ERBB4: variants seen among roughly 807,000 people sequenced by gnomAD.
ERBB4 encodes the protein receptor tyrosine-protein kinase erbB-4.
Under a neutral mutation model 158.0 loss-of-function variants are expected in ERBB4, and 42 were observed. That is an observed-to-expected ratio of 0.27 (90% CI 0.21 to 0.34). The LOEUF is 0.34. Ranked by LOEUF, ERBB4 falls within the 10% of genes least tolerant of loss-of-function variation. ERBB4 has a pLI of 1.00. For synonymous variants in ERBB4, 583 were observed against 558.7 expected, an observed-to-expected ratio of 1.04 and a Z score of -0.61; for missense variants, 1,333 against 1,624.1, an observed-to-expected ratio of 0.82 and a Z score of 3.08.
rs1454332286 is a variant in ERBB4 at position 211,772,951 on chromosome 2, A to ATTTT, written c.556+15073_556+15074insAAAA. On this transcript the variant is annotated intron_variant, in intron 4 of 27. Coordinates refer to ENST00000342788, the MANE Select transcript of ERBB4 (RefSeq NM_005235.3). ...TATATATATATATATATATATATAT[A>ATTTT]TATATTTTTTTTTTTAAAGATGGGG... Among the ~76,000 whole-genome samples, 24 of 71,828 alleles carry ATTTT rather than the reference A, an allele frequency of 3.3e-4. 3 individuals carry two copies. Among genetic ancestry groups the ATTTT allele is most frequent in the African/African-American group, 1.4e-3 (23 of 16,472 alleles). The allele number at this position is 71,828 out of a possible 152,430, so 47.1% of individuals were successfully genotyped here.
intron 13 of ERBB4, among the ~76,000 whole-genome samples, chr2:211,677,888 G>GTAAAAA (rs1161721703): frequency 1.7e-4 from 26 of 151,768 alleles, no homozygotes; most frequent in African/African-American, 5.8e-4. Context: ...AAAAATAAAA[G>GTAAAAA]TAAAAATAAA....
chr2:212,153,487 T>C (rs901065340), intron 1 of ERBB4, among the ~76,000 whole-genome samples: 3 of 152,206 alleles, frequency 2.0e-5, no homozygotes, highest in Non-Finnish European at 4.4e-5. Context: ...TAAATAATTG[T>C]GTCTAAGTAG....
intron 3 of ERBB4, among the ~76,000 whole-genome samples, chr2:211,888,994 G>C (rs1361094714): frequency 6.1e-5 from 9 of 147,988 alleles, no homozygotes; most frequent in Admixed American, 6.0e-4. Context: ...CATTGCCCAG[G>C]CTTGCTTAGG....
chr2:211,899,688 G>A (rs2079184135), intron 3 of ERBB4, among the ~76,000 whole-genome samples: 1 of 152,080 alleles, frequency 6.6e-6, no homozygotes, highest in Non-Finnish European at 1.5e-5. Context: ...GCCAAGACTA[G>A]CATTCTAGTT....
In ERBB4 at chr2:211,752,156, T is replaced by C. The variant is rs932713751; in HGVS notation, c.557-1452A>G. The stretch of plus-strand genomic sequence containing the variant: ...ACAATATAACTTTAATCAGTGATAA[T>C]GATAATTATTATTAAAAACTTACAG... On this transcript the variant is annotated intron_variant, in intron 4 of 27. Transcript: ENST00000342788. 2.6e-5 allele frequency among the ~76,000 whole-genome samples: 4 copies of C among 152,140 alleles called. No individual in the cohort carries two copies. In the East Asian group the frequency reaches 7.7e-4, roughly 29 times the overall value.
chr2:211,440,459 T>TTG (rs1200207523), intron 20 of ERBB4, among the ~76,000 whole-genome samples: 1 of 152,194 alleles, frequency 6.6e-6, no homozygotes, highest in Non-Finnish European at 1.5e-5. Context: ...AGCATACATA[T>TTG]TGTGCAAATG....
intron 4 of ERBB4, among the ~76,000 whole-genome samples, chr2:211,765,701 G>A (rs935382221): frequency 2.2e-4 from 33 of 152,026 alleles, no homozygotes; most frequent in African/African-American, 7.7e-4. Context: ...AAAAATAGTT[G>A]GTATTTAAAA....
chr2:212,060,209 A>G (rs1016581005), intron 2 of ERBB4, among the ~76,000 whole-genome samples: 6 of 152,328 alleles, frequency 3.9e-5, no homozygotes, highest in African/African-American at 1.2e-4. Context: ...CATGAAAAAA[A>G]TGCTCATCAT....
At chr2:211,664,343 GTGTGTGTGTGTGTCTGTATGCGTC>G (rs2071540659) in intron 15 of ERBB4, among the ~76,000 whole-genome samples, 1 of 151,890 alleles carries the variant, frequency 6.6e-6, no homozygotes, top group South Asian at 2.1e-4. Flanking sequence ...GTGTGTGTGT[GTGTGTGTGTGTGTCTGTATGCGTC>G]TGTGTGTGTG....
chr2:211,386,513 C>T (rs1040902980), intron 27 of ERBB4, among the ~76,000 whole-genome samples: 1 of 152,180 alleles, frequency 6.6e-6, no homozygotes, highest in Admixed American at 6.5e-5. Flanking sequence ...ATGGTCCTGA[C>T]ACTTTGTAGT....
chr2:211,551,466 G>A (rs780612770), intron 20 of ERBB4, among the ~76,000 whole-genome samples: 8 of 151,744 alleles, frequency 5.3e-5, no homozygotes, highest in African/African-American at 9.7e-5. Context: ...ATCTTTTATC[G>A]TGCCTTTATA....
chr2:211,962,195 A>T (rs1201043845), intron 2 of ERBB4, among the ~76,000 whole-genome samples: 2 of 152,176 alleles, frequency 1.3e-5, no homozygotes, highest in African/African-American at 4.8e-5. Flanking sequence ...AAGTATAAAA[A>T]TAAGCCATCA....
intron 25 of ERBB4, among the ~76,000 whole-genome samples, chr2:211,419,815 G>C (rs1471892111): frequency 6.6e-6 from 1 of 152,024 alleles, no homozygotes; most frequent in Non-Finnish European, 1.5e-5. Flanking sequence ...AGCTTTCAAA[G>C]AAAGAATGGA....
At chr2:212,081,510 A>C (rs933090706) in intron 2 of ERBB4, among the ~76,000 whole-genome samples, 3 of 152,134 alleles carry the variant, frequency 2.0e-5, no homozygotes, top group Admixed American at 2.0e-4. Context: ...GCAAAATCAC[A>C]ATGCTCTTTT....
chr2:211,816,002 C>T (rs534566759), intron 3 of ERBB4, among the ~76,000 whole-genome samples: 1 of 152,206 alleles, frequency 6.6e-6, no homozygotes, highest in South Asian at 2.1e-4. Flanking sequence ...AAGGGTCTCA[C>T]TGTCAGCTTC....
intron 1 of ERBB4, among the ~76,000 whole-genome samples, chr2:212,178,261 T>A (rs771852015): frequency 6.6e-5 from 10 of 151,728 alleles, no homozygotes; most frequent in Non-Finnish European, 1.3e-4. Context: ...AGTAAAAAGA[T>A]TGCTGTAACC....
Position 211,982,766 on chromosome 2 carries a change from C to T in ERBB4, c.235-35150G>A, listed in dbSNP as rs925482042. ...AATCCATGGTGAACAAATGGAGGTG[C>T]AAATGATTCCTATTTATAAAAATTA... On this transcript the variant is annotated intron_variant, in intron 2 of 27. Coordinates refer to ENST00000342788, the MANE Select transcript of ERBB4 (RefSeq NM_005235.3). Among the ~76,000 whole-genome samples the T allele has an allele frequency of 2.0e-5, 3 of 152,148 alleles. No individual in the cohort carries two copies. In the East Asian group the frequency reaches 5.8e-4, roughly 29 times the overall value.
intron 20 of ERBB4, among the ~76,000 whole-genome samples, chr2:211,507,901 T>C (rs568940859): frequency 6.6e-6 from 1 of 152,272 alleles, no homozygotes; most frequent in African/African-American, 2.4e-5. Context: ...CCCTATTTAA[T>C]AAAAGGTTCT....
intron 8 of ERBB4, 118 bp downstream of exon 8, chr2:211,713,417 G>A: frequency 2.8e-6 from 2 of 710,018 alleles, no homozygotes; most frequent in South Asian, 1.5e-5. Flanking sequence ...TGGAAAGCGT[G>A]TGGGTAGGTT....
Sources: gnomAD v4.1 joint callset for allele counts (sites outside exome capture counted in the v4.1 genomes callset) on GRCh38, gnomAD v4.1.1 for gene constraint, MANE v1.5 for transcripts, NCBI Gene and HGNC (gene_info 2026-07-23, HGNC 2026-07-21) for gene names.